ADAM10: variants seen among roughly 807,000 people sequenced by gnomAD.
The protein encoded by ADAM10 is disintegrin and metalloproteinase domain-containing protein 10.
A neutral mutation model predicts 90.1 loss-of-function variants in ADAM10; 17 were observed. The observed-to-expected ratio is 0.19, with a 90% CI of 0.13 to 0.28. ADAM10 has a LOEUF of 0.28. ADAM10 is among the 10% of genes least tolerant of loss of function. The pLI is 1.00. For synonymous variants in ADAM10, 310 were observed against 298.6 expected (o/e 1.04, Z -0.40); for missense variants, 610 against 914.3 (o/e 0.67, Z 4.29).
At chr15:58,652,078 C>T (rs557170329) in intron 5 of ADAM10, among the ~76,000 whole-genome samples, 8 of 152,054 alleles carry the variant, frequency 5.3e-5, no homozygotes, top group Non-Finnish European at 1.2e-4. Context: ...GATCTTTTGC[C>T]CATTTTTTAA....
rs1482014627 is a variant in ADAM10, at chr15:58,591,743, A to T, written c.*5804T>A. 6.6e-6 allele frequency: 1 copy of T among 152,250 alleles called. No homozygotes were observed. The highest frequency in any genetic ancestry group is 1.5e-5 in the Non-Finnish European group (1 of 68,038). 9.4% of individuals were successfully genotyped at this position (152,250 alleles called of 1,614,324 possible). On this transcript the variant is annotated 3_prime_UTR_variant, in exon 16 of 16. Coordinates refer to ENST00000260408, the MANE Select transcript of ADAM10 (RefSeq NM_001110.4). ...CTTATTTTTAAGCAAAAACTTATAC[A>T]TCGTATCATTTCATTTTTTAAGTGT...
At chr15:58,672,839 A>C (rs1193471221) in intron 4 of ADAM10, 2 of 151,172 alleles carry the variant, frequency 1.3e-5, no homozygotes, top group Non-Finnish European at 2.9e-5. Flanking sequence ...AAAAAAAAGA[A>C]GAGGAAGGTG....
At chr15:58,690,732 C>T (rs1223608966) in intron 2 of ADAM10, among the ~76,000 whole-genome samples, 1 of 152,224 alleles carries the variant, frequency 6.6e-6, no homozygotes, top group East Asian at 1.9e-4. Context: ...CAGGTATAAA[C>T]TCTTAATCTA....
intron 5 of ADAM10, among the ~76,000 whole-genome samples, chr15:58,660,033 CTCTT>C (rs1483202296): frequency 1.3e-5 from 2 of 152,246 alleles, no homozygotes; most frequent in Non-Finnish European, 1.5e-5. Flanking sequence ...TGGCCGTTCT[CTCTT>C]TATTTTCTTA....
chr15:58,603,775 T>C (rs1453933340), intron 14 of ADAM10, among the ~76,000 whole-genome samples: 1 of 150,046 alleles, frequency 6.7e-6, no homozygotes, highest in Admixed American at 6.7e-5. Context: ...GCAAAGTGTA[T>C]ATGATTCCAC....
chr15:58,700,558 A>G (rs1165966423), intron 2 of ADAM10, among the ~76,000 whole-genome samples: 3 of 152,178 alleles, frequency 2.0e-5, no homozygotes, highest in Non-Finnish European at 4.4e-5. Context: ...ACATACCAAA[A>G]TCCATGGGAT....
Position 58,597,614 on chromosome 15 carries a change from T to C in ADAM10, c.2180A>G (p.Gln727Arg), listed in dbSNP as rs1434000668. 20 of 1,614,166 alleles carry C rather than the reference T, an allele frequency of 1.2e-5. No homozygotes were observed. The highest frequency in any genetic ancestry group is 1.4e-5 in the Non-Finnish European group (17 of 1,180,020). The change falls in exon 16 of 16, where the codon CAG (glutamine) becomes CGG (arginine). Residue 727 changes from glutamine to arginine, a missense_variant. Physicochemically the swap from Gln to Arg is conservative, Grantham distance 43. Coordinates refer to ENST00000260408, the MANE Select transcript of ADAM10 (RefSeq NM_001110.4). ...CTGACGCTGGGGTTGCTGAATGGGC[T>C]GTGGAGGTCTCCTCCTCTTTAAAGT... is the stretch of plus-strand genomic sequence containing the variant. ...PGTLKRRRPP[Q>R]PIQQPQRQRP...
intron 2 of ADAM10, among the ~76,000 whole-genome samples, chr15:58,705,157 CTAT>C (rs1467217342): frequency 6.6e-6 from 1 of 152,320 alleles, no homozygotes; most frequent in South Asian, 2.1e-4. Context: ...CTGTCCACTA[CTAT>C]GTTTCTTTCA....
At chr15:58,729,994 A>T (rs1899180499) in intron 1 of ADAM10, among the ~76,000 whole-genome samples, 1 of 128,066 alleles carries the variant, frequency 7.8e-6, no homozygotes, top group African/African-American at 2.9e-5. Flanking sequence ...AACAAAACAA[A>T]CAAACAAACA....
intron 1 of ADAM10, among the ~76,000 whole-genome samples, chr15:58,731,466 A>T (rs1899236895): frequency 6.6e-6 from 1 of 152,002 alleles, no homozygotes; most frequent in Non-Finnish European, 1.5e-5. Flanking sequence ...AACAACAAAA[A>T]AAATACAAAA....
intron 1 of ADAM10, among the ~76,000 whole-genome samples, chr15:58,719,913 G>T: frequency 6.6e-6 from 1 of 152,100 alleles, no homozygotes; most frequent in East Asian, 1.9e-4. Flanking sequence ...GCCTACCAAA[G>T]AGGCAAGGTT....
intron 5 of ADAM10, among the ~76,000 whole-genome samples, chr15:58,650,084 T>C (rs2140703516): frequency 6.6e-6 from 1 of 152,344 alleles, no homozygotes; most frequent in South Asian, 2.1e-4. Flanking sequence ...TCAAGTTCTT[T>C]TGTTAATTTT....
At chr15:58,735,059 A>G (rs1899384467) in intron 1 of ADAM10, among the ~76,000 whole-genome samples, 1 of 152,224 alleles carries the variant, frequency 6.6e-6, no homozygotes, top group South Asian at 2.1e-4. Flanking sequence ...AAGAGCTCAG[A>G]AAGTATAGAT....
intron 10 of ADAM10, among the ~76,000 whole-genome samples, chr15:58,622,568 A>G (rs74378670): frequency 0.013 from 2,042 of 152,272 alleles, 57 homozygotes; most frequent in African/African-American, 0.046. Context: ...TTTTATGTAC[A>G]TTAGTTTTGC....
intron 9 of ADAM10, among the ~76,000 whole-genome samples, chr15:58,628,699 A>G (rs1896019781): frequency 6.6e-6 from 1 of 152,166 alleles, no homozygotes; most frequent in South Asian, 2.1e-4. Context: ...TGCCCCTCAA[A>G]CAATTCAGAA....
chr15:58,701,828 C>T (rs531410207), intron 2 of ADAM10, among the ~76,000 whole-genome samples: 2 of 151,892 alleles, frequency 1.3e-5, no homozygotes, highest in East Asian at 3.9e-4. Context: ...TAATAAGGCC[C>T]GGAGCAGTGA....
chr15:58,689,671 A>G (rs1174792219), intron 2 of ADAM10, among the ~76,000 whole-genome samples: 1 of 152,160 alleles, frequency 6.6e-6, no homozygotes, highest in Non-Finnish European at 1.5e-5. Flanking sequence ...TGATAAAGTA[A>G]TATTATGAGC....
At chr15:58,706,091 G>T (rs1015266939) in intron 2 of ADAM10, among the ~76,000 whole-genome samples, 4 of 152,112 alleles carry the variant, frequency 2.6e-5, no homozygotes, top group Non-Finnish European at 4.4e-5. Context: ...TTTTCCCAAG[G>T]GGTTGCTATT....
chr15:58,602,658 T>G (rs1895145198), intron 14 of ADAM10, among the ~76,000 whole-genome samples: 1 of 152,218 alleles, frequency 6.6e-6, no homozygotes, highest in African/African-American at 2.4e-5. Context: ...ATATTCAATT[T>G]TAAAATCAAA....
Sources: gnomAD v4.1 joint callset for allele counts (sites outside exome capture counted in the v4.1 genomes callset) on GRCh38, gnomAD v4.1.1 for gene constraint, MANE v1.5 for transcripts, NCBI Gene and HGNC (gene_info 2026-07-23, HGNC 2026-07-21) for gene names.